TRERF1: variants seen among roughly 807,000 people sequenced by gnomAD.
TRERF1 encodes the protein transcriptional-regulating factor 1.
TRERF1 carries 27 observed loss-of-function variants against 122.9 expected under a neutral mutation model. The ratio of observed to expected loss-of-function variants is 0.22; its 90% CI spans 0.16 to 0.30. TRERF1 has a LOEUF of 0.30. Ranked by LOEUF, TRERF1 falls within the 10% of genes least tolerant of loss-of-function variation. TRERF1 has a pLI of 1.00. For synonymous variants in TRERF1, 636 were observed against 641.7 expected, an observed-to-expected ratio of 0.99 and a Z score of 0.13; for missense variants, 1,248 against 1,560.3, an observed-to-expected ratio of 0.80 and a Z score of 3.37.
At chr6:42,405,364 C>G (rs866045926) in intron 2 of TRERF1, among the ~76,000 whole-genome samples, 2 of 152,136 alleles carry the variant, frequency 1.3e-5, no homozygotes, top group Non-Finnish European at 2.9e-5. Flanking sequence ...GTGGGACTCT[C>G]TAGGCCTCCA....
chr6:42,234,621 G>C (rs373417572), intron 16 of TRERF1, among the ~76,000 whole-genome samples: 2 of 152,120 alleles, frequency 1.3e-5, no homozygotes, highest in Non-Finnish European at 2.9e-5. Context: ...GATTACAGGC[G>C]TGAGCCACCG....
intron 2 of TRERF1, among the ~76,000 whole-genome samples, chr6:42,399,299 G>C (rs1178077179): frequency 6.6e-6 from 1 of 152,106 alleles, no homozygotes; most frequent in African/African-American, 2.4e-5. Flanking sequence ...TAATGAGCTG[G>C]AGTTATCATT....
chr6:42,359,240 C>T (rs892942410), intron 3 of TRERF1, among the ~76,000 whole-genome samples: 1 of 152,186 alleles, frequency 6.6e-6, no homozygotes, highest in Non-Finnish European at 1.5e-5. Flanking sequence ...TGGAATGATT[C>T]ATCATATTGT....
intron 3 of TRERF1, among the ~76,000 whole-genome samples, chr6:42,327,887 G>A (rs1764562019): frequency 6.6e-6 from 1 of 152,070 alleles, no homozygotes; most frequent in African/African-American, 2.4e-5. Flanking sequence ...AGATGGACAG[G>A]TGTGAACTCG....
intron 2 of TRERF1, among the ~76,000 whole-genome samples, chr6:42,411,163 G>A (rs1781045127): frequency 6.6e-6 from 1 of 152,214 alleles, no homozygotes; most frequent in Non-Finnish European, 1.5e-5. Flanking sequence ...CATCCATCCG[G>A]CTGGACTGGG....
In TRERF1 at chr6:42,405,358, G is replaced by A. The variant is rs62416697; in HGVS notation, c.-453-42279C>T. Reference sequence around the variant, plus strand: ...ACAGAATTTGAATCTCCTCCTGTGGGACTCTCTAGGCCTCCATTTCCTTAT... The same window carrying A: ...ACAGAATTTGAATCTCCTCCTGTGGAACTCTCTAGGCCTCCATTTCCTTAT... On this transcript the variant is annotated intron_variant, in intron 2 of 17. Transcript: ENST00000372922. 6.2e-3 allele frequency among the ~76,000 whole-genome samples: 939 copies of A among 152,258 alleles called. 9 individuals carry two copies. Among genetic ancestry groups the A allele is most frequent in the Non-Finnish European group, 9.6e-3 (650 of 68,008 alleles).
chr6:42,433,421 A>G (rs767773565), intron 2 of TRERF1, among the ~76,000 whole-genome samples: 106 of 147,296 alleles, frequency 7.2e-4, no homozygotes, highest in Non-Finnish European at 1.4e-3. Flanking sequence ...ATCCAAACAG[A>G]AAAAAAAAAA....
rs377701554 is a variant in TRERF1 at position 42,433,868 on chromosome 6, T to G, written c.-454+17309A>C. On this transcript the variant is annotated intron_variant, in intron 2 of 17. Transcript: ENST00000372922. ...ACCCCATCTCTACAAAAAAAAAATT[T>G]TTTTTAATTATCCAAGCATGGTGGA... Among the ~76,000 whole-genome samples, 35 of 152,048 alleles carry G rather than the reference T, an allele frequency of 2.3e-4. 1 individual carries two copies. The South Asian group carries it at 7.1e-3, about 31-fold the overall frequency.
intron 14 of TRERF1, among the ~76,000 whole-genome samples, chr6:42,246,253 G>A (rs1470204343): frequency 6.6e-6 from 1 of 151,994 alleles, no homozygotes; most frequent in Non-Finnish European, 1.5e-5. Flanking sequence ...GATAATCTAC[G>A]CCTTCTTTCC....
At chr6:42,260,970 G>C (rs915212996) in intron 8 of TRERF1, among the ~76,000 whole-genome samples, 1 of 152,224 alleles carries the variant, frequency 6.6e-6, no homozygotes, top group Middle Eastern at 3.4e-3. Context: ...AAGGAGGAGG[G>C]GGCAGAGGGT....
At chr6:42,247,043 G>A (rs901645395) in intron 13 of TRERF1, among the ~76,000 whole-genome samples, 4 of 152,194 alleles carry the variant, frequency 2.6e-5, no homozygotes, top group Admixed American at 6.5e-5. Context: ...AGGCCATGAC[G>A]TTCAAGGTGG....
intron 2 of TRERF1, among the ~76,000 whole-genome samples, chr6:42,398,561 C>T (rs1778953795): frequency 6.6e-6 from 1 of 152,194 alleles, no homozygotes; most frequent in Non-Finnish European, 1.5e-5. Context: ...CTTGGTATTA[C>T]AGTTATGTTA....
At chr6:42,344,133 G>A (rs1767826334) in intron 3 of TRERF1, among the ~76,000 whole-genome samples, 1 of 152,314 alleles carries the variant, frequency 6.6e-6, no homozygotes, top group African/African-American at 2.4e-5. Context: ...CCCAAGGACC[G>A]AACTGCTTGG....
At chr6:42,240,939 C>CTGGA (rs377178977) in intron 15 of TRERF1, among the ~76,000 whole-genome samples, 1 of 152,052 alleles carries the variant, frequency 6.6e-6, no homozygotes, top group Non-Finnish European at 1.5e-5. Flanking sequence ...GTTGCCCAGG[C>CTGGA]TGGAGTACGG....
At chr6:42,233,020 C>G (rs1770921484) in intron 16 of TRERF1, 92 bp from the exon 17 acceptor site, 7 of 1,374,646 alleles carry the variant, frequency 5.1e-6, no homozygotes, top group Non-Finnish European at 5.8e-6. Context: ...TTTATATAAG[C>G]AAACTTTGGG....
intron 17 of TRERF1, among the ~76,000 whole-genome samples, chr6:42,229,296 C>T (rs749596308): frequency 6.6e-6 from 1 of 152,132 alleles, no homozygotes; most frequent in Non-Finnish European, 1.5e-5. Flanking sequence ...TACCACCATG[C>T]CTGGCTAATT....
At chr6:42,415,251 A>G (rs1781673003) in intron 2 of TRERF1, among the ~76,000 whole-genome samples, 2 of 151,996 alleles carry the variant, frequency 1.3e-5, no homozygotes, top group African/African-American at 4.8e-5. Flanking sequence ...GACCCTTTTT[A>G]TTTATTTTTA....
At position 42,336,665 on chromosome 6, in the gene TRERF1, G is replaced by A. The variant is rs112228929; in HGVS notation, c.-371+26332C>T. On this transcript the variant is annotated intron_variant, in intron 3 of 17. Transcript: ENST00000372922. Reference sequence around the variant, plus strand: ...AAATGTAGATTCATCCTATCAGACCGTTCACCTCCCAACTTGGCGGAGGAG... The same window carrying A: ...AAATGTAGATTCATCCTATCAGACCATTCACCTCCCAACTTGGCGGAGGAG... Among the ~76,000 whole-genome samples the A allele has an allele frequency of 3.7e-4, 56 of 152,220 alleles. 1 individual carries two copies. Among genetic ancestry groups the A allele is most frequent in the South Asian group, 3.3e-3 (16 of 4,816 alleles).
At chr6:42,375,820 G>A (rs7750319) in intron 2 of TRERF1, among the ~76,000 whole-genome samples, 2,765 of 152,158 alleles carry the variant, frequency 0.018, 81 homozygotes, top group African/African-American at 0.062. Context: ...GGAGCCTGGA[G>A]AACCCCTGGA....
Sources: allele counts gnomAD v4.1 joint callset (sites outside exome capture counted in the v4.1 genomes callset), GRCh38; gene constraint gnomAD v4.1.1; transcripts MANE v1.5; gene names NCBI Gene and HGNC (gene_info 2026-07-23, HGNC 2026-07-21).